ACTR8: variants seen among roughly 807,000 people sequenced by gnomAD.
ACTR8 encodes the protein actin-related protein 8.
In ACTR8, 70 loss-of-function variants were observed where a neutral mutation model predicts 84.3. The ratio of observed to expected loss-of-function variants is 0.83; its 90% CI spans 0.68 to 1.01. The LOEUF is 1.01. Ranked by LOEUF, ACTR8 falls within the 50% of genes least tolerant of loss-of-function variation. The pLI, the probability that ACTR8 is intolerant of heterozygous loss-of-function variation, is 0.00. For synonymous variants in ACTR8, 268 were observed against 275.2 expected (o/e 0.97, Z 0.26); for missense variants, 672 against 775.4 (o/e 0.87, Z 1.58).
chr3:53,873,495 AG>A (rs561384347), intron 8 of ACTR8, among the ~76,000 whole-genome samples: 1 of 152,248 alleles, frequency 6.6e-6, no homozygotes, highest in African/African-American at 2.4e-5. Context: ...AAACAAAAAA[AG>A]GATACCAATC....
intron 11 of ACTR8, among the ~76,000 whole-genome samples, chr3:53,871,003 A>G (rs1007824349): frequency 6.6e-6 from 1 of 152,230 alleles, no homozygotes. Context: ...TGCCAGTGGT[A>G]ATTTCACATT....
intron 1 of ACTR8, among the ~76,000 whole-genome samples, chr3:53,881,087 A>G (rs1397738925): frequency 1.3e-5 from 2 of 152,222 alleles, no homozygotes; most frequent in Admixed American, 1.3e-4. Flanking sequence ...AGACAGATGG[A>G]GAAACCAGGC....
Position 53,875,958 on chromosome 3 carries a change from G to A in ACTR8, c.901C>T (p.Arg301Trp), listed in dbSNP as rs747791798. Residue 301 changes from arginine (R) to tryptophan (W), a missense_variant, in exon 7 of 13, where the codon CGG becomes TGG. Transcript: ENST00000335754. ...TTCCAAGTTCCTTACCGAGTATTCC[G>A]ATGAGACACCCCATCCTCCACACAG... is the stretch of plus-strand genomic sequence containing the variant. ...VCCVEDGVSH[R>W]NTRLCLAYGG... 2.4e-5 allele frequency: 39 copies of A among 1,614,014 alleles called. No homozygotes were observed. Among genetic ancestry groups the A allele is most frequent in the South Asian group, 5.5e-5 (5 of 91,078 alleles).
intron 8 of ACTR8, 134 bp downstream of exon 8, chr3:53,874,077 G>C (rs1305783401): frequency 1.2e-6 from 1 of 811,166 alleles, no homozygotes; most frequent in Non-Finnish European, 1.8e-6. Context: ...ACCCACCTCG[G>C]CCTCCCAAAG....
rs776688439 is a variant in ACTR8, at chr3:53,876,001, G to C, written c.858C>G (p.Asp286Glu). ...CCACACAGCATACACTTGTCTTCTGGTCCCCAACGTCTACAATACACGTGC... is the reference window on the plus strand; with the variant it reads ...CCACACAGCATACACTTGTCTTCTGCTCCCCAACGTCTACAATACACGTGC... ...LSSTCIVDVG[D>E]QKTSVCCVED... The change falls in exon 7 of 13, where the codon GAC becomes GAG. Residue 286 changes from aspartate (D) to glutamate (E), a missense_variant. Physicochemically the swap from Asp to Glu is conservative, Grantham distance 45 (BLOSUM62 2). Transcript: ENST00000335754. 1.9e-6 allele frequency: 3 copies of C among 1,614,036 alleles called. No individual in the cohort carries two copies. Among genetic ancestry groups the C allele is most frequent in the Non-Finnish European group, 2.5e-6 (3 of 1,180,024 alleles).
chr3:53,878,559 T>C lies in ACTR8; in HGVS notation c.295-92A>G. The C allele has an allele frequency of 1.9e-5, 15 of 779,266 alleles. No individual in the cohort carries two copies. The South Asian group carries it at 2.3e-4, about 12-fold the overall frequency. The allele number at this position is 779,266 out of a possible 1,614,324, so 48.3% of individuals were successfully genotyped here. On this transcript the variant is annotated intron_variant, in intron 2 of 12. Coordinates refer to ENST00000335754, the MANE Select transcript of ACTR8 (RefSeq NM_022899.5). The stretch of plus-strand genomic sequence containing the variant: ...ACTAATTTAATCCAATCTTTGGAAA[T>C]GCTCCTTCATCAACAAGTAGCGTTT...
intron 5 of ACTR8, 104 bp from the exon 6 acceptor site, chr3:53,876,817 G>A (rs1699980918): frequency 1.7e-6 from 1 of 589,210 alleles, no homozygotes; most frequent in African/African-American, 2.0e-5. Context: ...AGCAGCTACG[G>A]TTACACACCC....
At chr3:53,868,906 T>C (rs1699839527) in intron 12 of ACTR8, 44 bp from the exon 13 acceptor site, 2 of 1,584,846 alleles carry the variant, frequency 1.3e-6, no homozygotes, top group Non-Finnish European at 1.7e-6. Flanking sequence ...ACATAAGACA[T>C]ATACTCAATC....
chr3:53,879,946 C>T lies in ACTR8; in HGVS notation c.287G>A (p.Gly96Glu). The T allele has an allele frequency of 6.2e-7, 1 of 1,609,734 alleles. No individual in the cohort carries two copies. Among genetic ancestry groups the T allele is most frequent in the Non-Finnish European group, 8.5e-7 (1 of 1,177,008 alleles). Residue 96 changes from glycine to glutamate, a missense_variant, in exon 2 of 13, where the codon GGA becomes GAA. Gly to Glu is a moderately conservative substitution (Grantham distance 98). Transcript: ENST00000335754. ...LYKDSWLLRE[G>E]LNKPESNEQR... is the part of the protein sequence containing the mutation. ...AGGTCGTTTTTGACTTACATTTAGT[C>T]CCTCCCTTAGGAGCCAACTGTCCTT... is the stretch of plus-strand genomic sequence containing the variant.
intron 11 of ACTR8, 40 bp downstream of exon 11, chr3:53,871,192 T>C (rs759505789): frequency 5.6e-6 from 9 of 1,593,950 alleles, no homozygotes; most frequent in African/African-American, 5.4e-5. Context: ...ACTGCTATCT[T>C]GTTTCACTGC....
the ACTR8 span, chr3:53,861,186 T>C: frequency 1.3e-5 from 2 of 152,186 alleles, no homozygotes; most frequent in African/African-American, 4.8e-5. Flanking sequence ...TTTTTCGTGT[T>C]TAGTGCAATA....
At chr3:53,864,964 G>GCAGA (rs770278772), downstream of ACTR8, 4 of 1,614,188 alleles carry the variant, frequency 2.5e-6, no homozygotes. Flanking sequence ...AAAGAAGGCA[G>GCAGA]CAGACAAAGT....
chr3:53,873,842 T>A (rs1559792820), intron 8 of ACTR8, among the ~76,000 whole-genome samples: 1 of 152,210 alleles, frequency 6.6e-6, no homozygotes, highest in South Asian at 2.1e-4. Flanking sequence ...TTATTTATTT[T>A]GAGATGGAGT....
chr3:53,859,125 G>C, the ACTR8 span: 1 of 263,228 alleles, frequency 3.8e-6, no homozygotes, highest in Non-Finnish European at 7.2e-6. Flanking sequence ...AAAAGCCAAA[G>C]ATGTAAGATG....
intron 5 of ACTR8, 46 bp from the exon 6 acceptor site, chr3:53,876,759 C>G: frequency 9.4e-7 from 1 of 1,059,162 alleles, no homozygotes; most frequent in Non-Finnish European, 1.4e-6. Context: ...CAAGTCTAGT[C>G]AGGTCAAATT....
downstream of ACTR8, among the ~76,000 whole-genome samples, chr3:53,866,833 TG>T (rs1699796270): frequency 2.3e-5 from 3 of 132,130 alleles, no homozygotes; most frequent in African/African-American, 2.9e-5. Context: ...TTAGCATAAA[TG>T]TTTTTTTTCT....
At chr3:53,871,958 A>AC (rs1423935578) in intron 10 of ACTR8, among the ~76,000 whole-genome samples, 1 of 152,220 alleles carries the variant, frequency 6.6e-6, no homozygotes, top group East Asian at 1.9e-4. Flanking sequence ...TCATTAGCAG[A>AC]CAAGACCTTC....
At position 53,870,186 on chromosome 3, in the gene ACTR8, A is replaced by G. The variant is rs772811281; in HGVS notation, c.1568-41T>C. 5 of 1,598,774 alleles carry G rather than the reference A, an allele frequency of 3.1e-6. No individual in the cohort carries two copies. Among genetic ancestry groups the G allele is most frequent in the Non-Finnish European group, 4.3e-6 (5 of 1,169,136 alleles). Reference sequence around the variant, plus strand: ...ACATCCTCCATGCTTTTTTCTCCACATCCATAATTCTAGGCCAAGCCACCA... The same window carrying G: ...ACATCCTCCATGCTTTTTTCTCCACGTCCATAATTCTAGGCCAAGCCACCA... On this transcript the variant is annotated intron_variant, in intron 11 of 12. Transcript: ENST00000335754. The surrounding 1 kb of genome is among the most constrained non-coding windows in gnomAD (Gnocchi z 4.1).
chr3:53,880,181 TAAC>T (rs1700037573), intron 1 of ACTR8, 72 bp from the exon 2 acceptor site: 5 of 1,448,252 alleles, frequency 3.5e-6, no homozygotes. Flanking sequence ...AACATACACA[TAAC>T]AAGCTAAACT....
Sources: allele counts gnomAD v4.1 joint callset (sites outside exome capture counted in the v4.1 genomes callset), GRCh38; gene constraint gnomAD v4.1.1; non-coding constraint Gnocchi (gnomAD v3.1); transcripts MANE v1.5; gene names NCBI Gene and HGNC (gene_info 2026-07-23, HGNC 2026-07-21).